ANK3: variants seen among roughly 807,000 people sequenced by gnomAD.
ANK3 encodes ankyrin-3.
Under a neutral mutation model 370.9 loss-of-function variants are expected in ANK3, and 57 were observed. The observed-to-expected ratio is 0.15, with a 90% CI of 0.12 to 0.19. ANK3 has a LOEUF of 0.19. Among genes scored for constraint, ANK3 ranks in the 10% least tolerant of loss-of-function variants. ANK3 has a pLI of 1.00. For synonymous variants in ANK3, 1,929 were observed against 1,946.3 expected (o/e 0.99, Z 0.23); for missense variants, 4,439 against 5,302.1 (o/e 0.84, Z 5.06).
At chr10:60,298,147 T>C (rs889522764) in intron 1 of ANK3, among the ~76,000 whole-genome samples, 4 of 152,194 alleles carry the variant, frequency 2.6e-5, no homozygotes, top group Non-Finnish European at 5.9e-5. Context: ...CACACTAAAA[T>C]TGGATTACAT....
rs562946484 is a variant in ANK3 at position 60,249,332 on chromosome 10, A to G, written c.798+12527T>C. ...CTAATGAATTTTATAACTTCAATTAAAAAGTCCATCCCCTTTTGTTTTAAC... is the reference window on the plus strand; with the variant it reads ...CTAATGAATTTTATAACTTCAATTAGAAAGTCCATCCCCTTTTGTTTTAAC... On this transcript the variant is annotated intron_variant, in intron 7 of 43. Transcript: ENST00000280772. Among the ~76,000 whole-genome samples, 12 of 152,320 alleles carry G rather than the reference A, an allele frequency of 7.9e-5. No homozygotes were observed. The South Asian group carries it at 2.5e-3, about 32-fold the overall frequency.
chr10:60,326,406 C>G (rs1252167116), intron 1 of ANK3, among the ~76,000 whole-genome samples: 1 of 152,190 alleles, frequency 6.6e-6, no homozygotes, highest in Non-Finnish European at 1.5e-5. Flanking sequence ...ATGATTGCCT[C>G]TAACAATTTT....
intron 2 of ANK3, among the ~76,000 whole-genome samples, chr10:60,547,623 C>T (rs958456696): frequency 2.6e-5 from 4 of 151,510 alleles, no homozygotes; most frequent in African/African-American, 9.7e-5. Context: ...GATCCACCTG[C>T]CTTGTCAGGG....
intron 1 of ANK3, among the ~76,000 whole-genome samples, chr10:60,317,420 G>A (rs191855677): frequency 8.5e-5 from 13 of 152,148 alleles, no homozygotes; most frequent in East Asian, 3.9e-4. Flanking sequence ...CACTGTGCCC[G>A]GCCCCTACTT....
In ANK3 at chr10:60,375,499, G is replaced by C. The variant is rs75396339; in HGVS notation, c.114+13926C>G. On this transcript the variant is annotated intron_variant, in intron 1 of 43. Coordinates refer to ENST00000280772, the MANE Select transcript of ANK3 (RefSeq NM_020987.5). ...AGGTAACCCATTAAGGCCTGCCTGG[G>C]GGGGGAGGGGGGAAGGACTGGTTTA... 6.7e-3 allele frequency among the ~76,000 whole-genome samples: 1,012 copies of C among 152,014 alleles called. 44 individuals are homozygous for C. The highest frequency in any genetic ancestry group is 0.059 in the Admixed American group (894 of 15,264).
At chr10:60,467,637 TC>T (rs2065040234) in intron 2 of ANK3, among the ~76,000 whole-genome samples, 1 of 151,990 alleles carries the variant, frequency 6.6e-6, no homozygotes, top group Non-Finnish European at 1.5e-5. Context: ...TAAAATACAT[TC>T]TTTTTTTATA....
intron 41 of ANK3, 107 bp downstream of exon 41, chr10:60,059,233 G>T: frequency 1.0e-6 from 1 of 955,256 alleles, no homozygotes; most frequent in East Asian, 2.4e-5. Context: ...TTTTATCCCA[G>T]AACTAGAATG....
chr10:60,583,548 G>A (rs1271780165), intron 2 of ANK3, among the ~76,000 whole-genome samples: 6 of 134,344 alleles, frequency 4.5e-5, no homozygotes, highest in East Asian at 2.3e-4. Context: ...GTGGAATCTC[G>A]TTCTGTCACC....
At chr10:60,504,211 T>C (rs2075874733) in intron 2 of ANK3, among the ~76,000 whole-genome samples, 2 of 152,116 alleles carry the variant, frequency 1.3e-5, no homozygotes, top group Admixed American at 6.5e-5. Flanking sequence ...ACATCAAAGC[T>C]CCAAATAGTA....
chr10:60,455,528 C>T (rs1012245677), intron 2 of ANK3, among the ~76,000 whole-genome samples: 10 of 152,100 alleles, frequency 6.6e-5, no homozygotes, highest in Admixed American at 3.9e-4. Context: ...TAATTGGTCA[C>T]CTTAAAACTA....
rs145288789 is a variant in ANK3 at position 60,208,387 on chromosome 10, A to G, written c.997-154T>C. On this transcript the variant is annotated intron_variant, in intron 9 of 43. Transcript: ENST00000280772. ...GCTTTTGACAACTATTTTGAACTAC[A>G]GCTATTTTTAAAACTGGTCCTCCCA... 1.0e-3 allele frequency among the ~76,000 whole-genome samples: 157 copies of G among 152,358 alleles called. 1 individual carries two copies. The East Asian group carries it at 0.024, about 23-fold the overall frequency.
intron 25 of ANK3, among the ~76,000 whole-genome samples, chr10:60,116,752 G>C (rs1309396452): frequency 6.9e-6 from 1 of 144,464 alleles, no homozygotes; most frequent in Non-Finnish European, 1.5e-5. Flanking sequence ...CCTCCCCTCA[G>C]TCTAAAAAAA....
At chr10:60,340,148 C>T (rs375860884) in intron 1 of ANK3, among the ~76,000 whole-genome samples, 9 of 152,262 alleles carry the variant, frequency 5.9e-5, no homozygotes, top group African/African-American at 2.2e-4. Context: ...GCTCTGTTGC[C>T]TAGGCAGAAC....
intron 2 of ANK3, among the ~76,000 whole-genome samples, chr10:60,560,437 T>C (rs766717455): frequency 6.6e-6 from 1 of 152,200 alleles, no homozygotes; most frequent in Non-Finnish European, 1.5e-5. Context: ...AAAAGCCATA[T>C]GTGGCAATTT....
intron 21 of ANK3, among the ~76,000 whole-genome samples, chr10:60,169,446 A>G (rs2095720281): frequency 6.9e-6 from 1 of 145,174 alleles, no homozygotes; most frequent in Admixed American, 7.1e-5. Context: ...GTGCCATTTC[A>G]TCACATTGTA....
chr10:60,418,015 CTAA>C (rs954996540), intron 2 of ANK3, among the ~76,000 whole-genome samples: 18 of 152,168 alleles, frequency 1.2e-4, no homozygotes, highest in African/African-American at 3.4e-4. Flanking sequence ...CTACATCTGA[CTAA>C]TAAGAAAGGA....
chr10:60,041,006 T>C (rs977439806), intron 43 of ANK3, among the ~76,000 whole-genome samples: 1 of 152,258 alleles, frequency 6.6e-6, no homozygotes, highest in African/African-American at 2.4e-5. Flanking sequence ...AGTGGGTTCA[T>C]TCTAGCTACT....
chr10:60,542,625 A>G (rs770199734), intron 2 of ANK3, among the ~76,000 whole-genome samples: 1 of 152,014 alleles, frequency 6.6e-6, no homozygotes, highest in Non-Finnish European at 1.5e-5. Context: ...ACTAAGGATA[A>G]TATAATGCAT....
At position 60,511,598 on chromosome 10, in the gene ANK3, C is replaced by T. The variant is rs915765470; in HGVS notation, c.96+103588G>A. Among the ~76,000 whole-genome samples the T allele has an allele frequency of 2.0e-5, 3 of 152,072 alleles. No individual in the cohort carries two copies. The South Asian group carries it at 6.2e-4, about 32-fold the overall frequency. ...TTTATGCAAGTAGCTCTTCATGTGT[C>T]TCAGAATATTATTTTCAAAGCATTC... On this transcript the variant is annotated intron_variant, in intron 2 of 43. Coordinates refer to the ANK3 transcript ENST00000373827.
Sources: gnomAD v4.1 joint callset for allele counts (sites outside exome capture counted in the v4.1 genomes callset) on GRCh38, gnomAD v4.1.1 for gene constraint, MANE v1.5 for transcripts, NCBI Gene and HGNC (gene_info 2026-07-23, HGNC 2026-07-21) for gene names.